LZTS1: variants seen among roughly 807,000 people sequenced by gnomAD.
LZTS1 encodes leucine zipper tumor suppressor 1.
LZTS1 carries 31 observed loss-of-function variants against 45.8 expected under a neutral mutation model. That is an observed-to-expected ratio of 0.68 (90% CI 0.51 to 0.91). LZTS1 has a LOEUF of 0.91. Ranked by LOEUF, LZTS1 falls within the 40% of genes least tolerant of loss-of-function variation. LZTS1 has a pLI of 0.00. For missense variants in LZTS1, 821 were observed against 788.9 expected (o/e 1.04, Z -0.49); for synonymous variants, 359 against 357.3 (o/e 1.00, Z -0.05).
At chr8:20,294,752 G>A (rs570264497) in intron 1 of LZTS1, among the ~76,000 whole-genome samples, 46 of 152,126 alleles carry the variant, frequency 3.0e-4, no homozygotes, top group Non-Finnish European at 6.0e-4. Context: ...AATAAGGGAA[G>A]CTACCCTGAG....
intron 1 of LZTS1, among the ~76,000 whole-genome samples, chr8:20,287,807 T>A (rs1800818153): frequency 7.0e-6 from 1 of 143,762 alleles, no homozygotes; most frequent in South Asian, 2.2e-4. Flanking sequence ...ATGCCTGTAA[T>A]CCTAGCTACT....
chr8:20,253,662 C>A (rs1234809329), intron 2 of LZTS1, 77 bp from the exon 3 acceptor site: 2 of 1,223,410 alleles, frequency 1.6e-6, no homozygotes, highest in Non-Finnish European at 2.2e-6. Flanking sequence ...GGCACGCGTG[C>A]CGACCTTGAG....
chr8:20,264,194 TA>T (rs1228160276), intron 1 of LZTS1, among the ~76,000 whole-genome samples: 2 of 152,250 alleles, frequency 1.3e-5, no homozygotes, highest in South Asian at 2.1e-4. Context: ...TTCGACCTTT[TA>T]TTTGATACTT....
intron 1 of LZTS1, among the ~76,000 whole-genome samples, chr8:20,268,710 T>G (rs1276964206): frequency 1.2e-4 from 13 of 104,176 alleles, no homozygotes; most frequent in South Asian, 3.0e-4. Flanking sequence ...AGGAAGGGGG[T>G]GGGGGAACGT....
chr8:20,302,326 C>A (rs1801094532), intron 1 of LZTS1, among the ~76,000 whole-genome samples: 4 of 152,212 alleles, frequency 2.6e-5, no homozygotes, highest in Admixed American at 2.6e-4. Flanking sequence ...TACCCACAGA[C>A]TATGTTCCAC....
chr8:20,271,989 G>T (rs1039464956), intron 1 of LZTS1, among the ~76,000 whole-genome samples: 3 of 152,226 alleles, frequency 2.0e-5, no homozygotes, highest in Non-Finnish European at 2.9e-5. Context: ...CACTGGAGGG[G>T]TGAGCTGCTG....
chr8:20,262,534 G>C (rs1245884562), intron 1 of LZTS1, among the ~76,000 whole-genome samples: 1 of 152,120 alleles, frequency 6.6e-6, no homozygotes, highest in Non-Finnish European at 1.5e-5. Context: ...CTTCTGAGAA[G>C]ATGACATTCG....
In LZTS1 at chr8:20,253,130, C is replaced by T. The variant is rs2645386; in HGVS notation, c.801G>A (p.Glu267=). 564,311 of 1,612,114 alleles carry T rather than the reference C, an allele frequency of 0.35. 100,113 individuals are homozygous for T. The highest frequency in any genetic ancestry group is 0.44 in the East Asian group (19,552 of 44,840). The change falls in exon 3 of 4, where the codon GAG becomes GAA. Residue 267 remains glutamate (E), a synonymous_variant. Transcript: ENST00000381569. ...STDECSIQEL[E]QKLLEREGAL... ...CGCCCTCCCTCTCCAACAGCTTCTG[C>T]TCCAGCTCCTGGATGCTGCACTCGT...
intron 1 of LZTS1, among the ~76,000 whole-genome samples, chr8:20,275,472 A>G (rs1390084782): frequency 1.3e-5 from 2 of 151,586 alleles, no homozygotes; most frequent in Admixed American, 6.6e-5. Flanking sequence ...CACCCGGGAG[A>G]AGCTTTCCTG....
chr8:20,263,240 C>T (rs545165040), intron 1 of LZTS1, among the ~76,000 whole-genome samples: 9 of 152,196 alleles, frequency 5.9e-5, no homozygotes, highest in East Asian at 1.9e-4. Flanking sequence ...GGAGACTGGG[C>T]GGGGAGATGT....
intron 1 of LZTS1, among the ~76,000 whole-genome samples, chr8:20,256,513 G>C (rs1800106937): frequency 6.6e-6 from 1 of 152,086 alleles, no homozygotes; most frequent in African/African-American, 2.4e-5. Context: ...TAGATGTGGT[G>C]GTGGCTCACG....
Position 20,250,200 on chromosome 8 carries a change from C to T in LZTS1, c.1313G>A (p.Gly438Asp). Residue 438 changes from glycine (G) to aspartate (D), a missense_variant, in exon 4 of 4, where the codon GGC (glycine) becomes GAC (aspartate). Gly to Asp is a moderately conservative substitution (Grantham distance 94, BLOSUM62 -1). Coordinates refer to ENST00000381569, the MANE Select transcript of LZTS1 (RefSeq NM_021020.5). ...CTCCAGGCCCTTGGTGCGCAGGGCG[C>T]CCTCCAGGTCCTGGGTCCTCAGCTC... ...GLELRTQDLE[G>D]ALRTKGLELE... 6.2e-7 allele frequency: 1 copy of T among 1,611,418 alleles called. No individual in the cohort carries two copies. Among genetic ancestry groups the T allele is most frequent in the Non-Finnish European group, 8.5e-7 (1 of 1,179,626 alleles).
intron 1 of LZTS1, among the ~76,000 whole-genome samples, chr8:20,258,490 G>A (rs1800157112): frequency 1.3e-5 from 2 of 152,154 alleles, no homozygotes; most frequent in Non-Finnish European, 1.5e-5. Context: ...GAATAAAGAG[G>A]TTATGTTATG....
intron 1 of LZTS1, among the ~76,000 whole-genome samples, chr8:20,285,922 C>CA (rs879652485): frequency 4.6e-4 from 70 of 152,174 alleles, no homozygotes; most frequent in Admixed American, 1.4e-3. Flanking sequence ...GCAAGTGAGA[C>CA]AAAAAAATGC....
intron 1 of LZTS1, among the ~76,000 whole-genome samples, chr8:20,293,295 T>C (rs963921105): frequency 1.3e-5 from 2 of 152,138 alleles, no homozygotes; most frequent in Admixed American, 6.5e-5. Flanking sequence ...CAGCTGAGTA[T>C]GCAAGGTGGG....
chr8:20,277,058 G>A (rs1016846114), intron 1 of LZTS1, among the ~76,000 whole-genome samples: 10 of 152,216 alleles, frequency 6.6e-5, no homozygotes, highest in African/African-American at 2.2e-4. Flanking sequence ...CACAGGATGA[G>A]ACAGGAAGTA....
At chr8:20,278,103 C>T (rs1012370562) in intron 1 of LZTS1, among the ~76,000 whole-genome samples, 2 of 152,076 alleles carry the variant, frequency 1.3e-5, no homozygotes, top group Non-Finnish European at 2.9e-5. Flanking sequence ...TACAGTGTGT[C>T]GCTGAAATAA....
rs771887769 is a variant in LZTS1, at chr8:20,255,119, C to G, written c.63G>C (p.Ser21=). Residue 21 remains serine, a synonymous_variant, in exon 2 of 4, where the codon TCG becomes TCC. Coordinates refer to ENST00000381569, the MANE Select transcript of LZTS1 (RefSeq NM_021020.5). ...HSFHSKHCRA[S]QYKLRKSSHL... is the part of the protein sequence containing the mutation. ...GGGAGGACTTGCGCAGCTTGTACTG[C>G]GAAGCCCGGCAGTGCTTGCTGTGGA... 7 of 1,614,136 alleles carry G rather than the reference C, an allele frequency of 4.3e-6. No individual in the cohort carries two copies. The Admixed American group carries it at 1.2e-4, about 27-fold the overall frequency.
intron 1 of LZTS1, among the ~76,000 whole-genome samples, chr8:20,275,293 T>C (rs1248863504): frequency 2.6e-5 from 4 of 151,512 alleles, no homozygotes; most frequent in African/African-American, 9.7e-5. Flanking sequence ...TCCCAGCTAC[T>C]TGGGATGCTG....
Sources: gnomAD v4.1 joint callset for allele counts (sites outside exome capture counted in the v4.1 genomes callset) on GRCh38, gnomAD v4.1.1 for gene constraint, MANE v1.5 for transcripts, NCBI Gene and HGNC (gene_info 2026-07-23, HGNC 2026-07-21) for gene names.